HACD2: variants seen among roughly 807,000 people sequenced by gnomAD.
HACD2 encodes 3-hydroxyacyl-CoA dehydratase 2.
HACD2 carries 15 observed loss-of-function variants against 31.0 expected under a neutral mutation model. The observed-to-expected ratio is 0.48, with a 90% CI of 0.32 to 0.75. The LOEUF (loss-of-function observed/expected upper bound fraction) is 0.75. Among genes scored for constraint, HACD2 ranks in the 30% least tolerant of loss-of-function variants. The probability of loss-of-function intolerance (pLI) is 0.03; values close to 1 mark genes in which losing one functional copy is unlikely to be tolerated. For missense variants in HACD2, 283 were observed against 313.0 expected (o/e 0.90, Z 0.72); for synonymous variants, 115 against 122.2 (o/e 0.94, Z 0.39).
intron 3 of HACD2, among the ~76,000 whole-genome samples, chr3:123,555,969 C>T (rs1265942387): frequency 6.6e-6 from 1 of 152,122 alleles, no homozygotes; most frequent in Non-Finnish European, 1.5e-5. Context: ...TTCAACAAAT[C>T]GTGCCGAACA....
intron 3 of HACD2, among the ~76,000 whole-genome samples, chr3:123,535,676 T>G (rs919807229): frequency 6.6e-6 from 1 of 152,118 alleles, no homozygotes; most frequent in Non-Finnish European, 1.5e-5. Flanking sequence ...AATGGTGAAG[T>G]GGGGGAAGTG....
At chr3:123,533,786 C>A (rs1336157488) in intron 3 of HACD2, among the ~76,000 whole-genome samples, 1 of 152,152 alleles carries the variant, frequency 6.6e-6, no homozygotes, top group Non-Finnish European at 1.5e-5. Context: ...CAGGCTATGA[C>A]TGATATGTTT....
intron 3 of HACD2, among the ~76,000 whole-genome samples, chr3:123,556,551 A>G (rs4459839): frequency 0.044 from 6,656 of 152,254 alleles, 719 homozygotes; most frequent in East Asian, 0.35. Flanking sequence ...AGATATCTAT[A>G]GTAACAAGTT....
chr3:123,555,186 C>G (rs994828795), intron 3 of HACD2, among the ~76,000 whole-genome samples: 1 of 152,104 alleles, frequency 6.6e-6, no homozygotes, highest in Non-Finnish European at 1.5e-5. Context: ...ATAATTTTAT[C>G]TTATTGAGTA....
intron 3 of HACD2, among the ~76,000 whole-genome samples, chr3:123,540,824 T>C (rs926900092): frequency 2.6e-5 from 4 of 152,186 alleles, no homozygotes; most frequent in African/African-American, 9.7e-5. Context: ...AGTTGAACTA[T>C]TATATATATC....
At chr3:123,557,440 C>T (rs542119360) in intron 3 of HACD2, among the ~76,000 whole-genome samples, 2 of 152,186 alleles carry the variant, frequency 1.3e-5, no homozygotes, top group Non-Finnish European at 1.5e-5. Flanking sequence ...GAGGCCAAGA[C>T]CAGCTTGAGA....
chr3:123,507,668 T>G (rs2055994303), intron 4 of HACD2, among the ~76,000 whole-genome samples: 1 of 152,164 alleles, frequency 6.6e-6, no homozygotes, highest in Admixed American at 6.5e-5. Flanking sequence ...ATTGCATCCC[T>G]GTATCAAAAC....
chr3:123,516,596 C>T (rs966350406), intron 4 of HACD2, among the ~76,000 whole-genome samples: 3 of 152,186 alleles, frequency 2.0e-5, no homozygotes, highest in African/African-American at 7.2e-5. Context: ...ACCATTACAA[C>T]ACCAATAACT....
rs534172724 is a variant in HACD2 at position 123,543,575 on chromosome 3, T to C, written c.293-15101A>G. The C allele has an allele frequency of 3.8e-5, 10 of 260,254 alleles. No homozygotes were observed. The South Asian group carries it at 4.0e-4, about 10-fold the overall frequency. The allele number at this position is 260,254 out of a possible 1,614,324, so 16.1% of individuals were successfully genotyped here. A position where few individuals can be genotyped will look rare whatever the true frequency, so the allele number is the denominator to read the frequency against. ...TATAGCTTTTGCATTTTATACCATG[T>C]GAATGAATTACTTATTAAAAAAATA... On this transcript the variant is annotated intron_variant, in intron 3 of 6. Coordinates refer to ENST00000383657, the MANE Select transcript of HACD2 (RefSeq NM_198402.5).
At chr3:123,517,271 A>C (rs528476593) in intron 4 of HACD2, among the ~76,000 whole-genome samples, 58 of 152,292 alleles carry the variant, frequency 3.8e-4, no homozygotes, top group African/African-American at 1.2e-3. Context: ...GAAGGTTAAC[A>C]TATGTCTACC....
chr3:123,553,752 G>A (rs1422924581), intron 3 of HACD2, among the ~76,000 whole-genome samples: 4 of 152,150 alleles, frequency 2.6e-5, no homozygotes, highest in African/African-American at 9.7e-5. Flanking sequence ...GAGAACTGAT[G>A]CAAATGAAGA....
chr3:123,554,884 C>G (rs1400337035), intron 3 of HACD2, among the ~76,000 whole-genome samples: 2 of 152,110 alleles, frequency 1.3e-5, no homozygotes, highest in African/African-American at 4.8e-5. Context: ...AAAGTCACAA[C>G]TGACAATGAA....
intron 4 of HACD2, among the ~76,000 whole-genome samples, chr3:123,506,666 C>T (rs1047130551): frequency 1.3e-5 from 2 of 152,100 alleles, no homozygotes; most frequent in Non-Finnish European, 2.9e-5. Context: ...AACTCCTAGA[C>T]TCAAGTGATC....
intron 3 of HACD2, among the ~76,000 whole-genome samples, chr3:123,565,394 T>C (rs1304602459): frequency 6.6e-6 from 1 of 152,044 alleles, no homozygotes; most frequent in Non-Finnish European, 1.5e-5. Context: ...CAGGAGGCGA[T>C]TAGGTCACAA....
At chr3:123,579,927 T>C (rs1386507339) in intron 2 of HACD2, among the ~76,000 whole-genome samples, 2 of 152,176 alleles carry the variant, frequency 1.3e-5, no homozygotes, top group Admixed American at 1.3e-4. Flanking sequence ...AACCTAATTA[T>C]TTACAAATGA....
intron 2 of HACD2, among the ~76,000 whole-genome samples, chr3:123,570,915 AT>A (rs1405423141): frequency 9.9e-6 from 1 of 101,264 alleles, no homozygotes; most frequent in African/African-American, 6.9e-5. Context: ...ATTTCATACC[AT>A]TACACACACA....
At chr3:123,520,433 G>C (rs2056199395) in intron 4 of HACD2, among the ~76,000 whole-genome samples, 1 of 152,122 alleles carries the variant, frequency 6.6e-6, no homozygotes, top group South Asian at 2.1e-4. Flanking sequence ...AGTCACATGT[G>C]GCTATTTAAA....
At chr3:123,574,069 C>T (rs948068082) in intron 2 of HACD2, among the ~76,000 whole-genome samples, 3 of 152,180 alleles carry the variant, frequency 2.0e-5, no homozygotes, top group Non-Finnish European at 4.4e-5. Context: ...AGTCTTCATA[C>T]CCAAACTGTG....
At chr3:123,573,855 T>C (rs1438976427) in intron 2 of HACD2, among the ~76,000 whole-genome samples, 2 of 152,230 alleles carry the variant, frequency 1.3e-5, no homozygotes, top group Non-Finnish European at 2.9e-5. Flanking sequence ...TAATTTCACC[T>C]TTCTTGCTAT....
Sources: gnomAD v4.1 joint callset for allele counts (sites outside exome capture counted in the v4.1 genomes callset) on GRCh38, gnomAD v4.1.1 for gene constraint, MANE v1.5 for transcripts, NCBI Gene and HGNC (gene_info 2026-07-23, HGNC 2026-07-21) for gene names.